Variants in RTN3 observed in about 807,000 individuals in gnomAD.
The protein encoded by RTN3 is reticulon-3.
A neutral mutation model predicts 77.8 loss-of-function variants in RTN3; 49 were observed. The ratio of observed to expected loss-of-function variants is 0.63; its 90% CI spans 0.50 to 0.80. The LOEUF (loss-of-function observed/expected upper bound fraction) is 0.80. Among genes scored for constraint, RTN3 ranks in the 30% least tolerant of loss-of-function variants. RTN3 has a pLI of 0.00. For missense variants in RTN3, 1,236 were observed against 1,211.9 expected (o/e 1.02, Z -0.29); for synonymous variants, 464 against 446.9 (o/e 1.04, Z -0.48).
At chr11:63,700,282 C>CTTTTGTTTTT (rs1555068902) in intron 1 of RTN3, among the ~76,000 whole-genome samples, 1 of 133,444 alleles carries the variant, frequency 7.5e-6, no homozygotes, top group Non-Finnish European at 1.5e-5. Flanking sequence ...GATTCTTTTA[C>CTTTTGTTTTT]TTTTTTTTTT....
chr11:63,745,101 A>G (rs950485907), intron 3 of RTN3, among the ~76,000 whole-genome samples: 3 of 152,216 alleles, frequency 2.0e-5, no homozygotes, highest in Admixed American at 6.5e-5. Context: ...ACTATTGGCA[A>G]CTGCCTCATT....
At chr11:63,752,177 A>G (rs977024238) in intron 4 of RTN3, among the ~76,000 whole-genome samples, 1 of 152,134 alleles carries the variant, frequency 6.6e-6, no homozygotes, top group African/African-American at 2.4e-5. Context: ...GCTAAAAAAA[A>G]AAAAAAAAGT....
intron 2 of RTN3, among the ~76,000 whole-genome samples, chr11:63,715,658 A>AAAAAAACACAC (rs143591453): frequency 1.3e-5 from 2 of 152,020 alleles, no homozygotes; most frequent in Non-Finnish European, 1.5e-5. Flanking sequence ...ACTCTGTCTA[A>AAAAAAACACAC]AAAAAACACA....
At chr11:63,752,902 C>T (rs1480480151) in intron 5 of RTN3, among the ~76,000 whole-genome samples, 167 bp from the exon 6 acceptor site, 1 of 152,186 alleles carries the variant, frequency 6.6e-6, no homozygotes, top group Non-Finnish European at 1.5e-5. Context: ...ACTTCACTCA[C>T]ATACCTTCAA....
intron 5 of RTN3, 145 bp downstream of exon 5, chr11:63,752,790 C>T: frequency 1.1e-6 from 1 of 888,552 alleles, no homozygotes; most frequent in South Asian, 1.6e-5. Context: ...ATAGGTGTCA[C>T]TAGAGAAAGG....
At chr11:63,702,349 C>G (rs541631164) in intron 1 of RTN3, among the ~76,000 whole-genome samples, 4 of 151,440 alleles carry the variant, frequency 2.6e-5, no homozygotes, top group Admixed American at 6.6e-5. Flanking sequence ...GAGTCTCGCC[C>G]TGTCGCCCAG....
intron 3 of RTN3, among the ~76,000 whole-genome samples, chr11:63,734,734 AACACACACACACACACACAC>A (rs754454322): frequency 1.4e-4 from 11 of 81,318 alleles, no homozygotes; most frequent in Non-Finnish European, 1.7e-4. Context: ...TCTGTCTCAA[AACACACACACACACACACAC>A]ACACACACAC....
At chr11:63,704,437 A>C (rs1942396468) in intron 1 of RTN3, among the ~76,000 whole-genome samples, 2 of 152,218 alleles carry the variant, frequency 1.3e-5, no homozygotes, top group Admixed American at 6.5e-5. Context: ...TGCTTATATT[A>C]GTGACTTACC....
chr11:63,745,990 T>C (rs1415788599), intron 3 of RTN3, among the ~76,000 whole-genome samples: 1 of 152,186 alleles, frequency 6.6e-6, no homozygotes, highest in Non-Finnish European at 1.5e-5. Flanking sequence ...TTTGTATTTT[T>C]AGTAGAGACA....
Position 63,720,287 on chromosome 11 carries a change from G to A in RTN3, c.1785G>A (p.Val595=). The change falls in exon 3 of 9, where the codon GTG becomes GTA. Residue 595 remains valine (V), a synonymous_variant. Coordinates refer to ENST00000377819, the MANE Select transcript of RTN3 (RefSeq NM_001265589.2). ...ATACGAATGTCTCCTTAGAAGATGT[G>A]AGTGAAGTTGCTCCTGAAAAGCCTA... ...VPDTNVSLED[V]SEVAPEKPIT... is the part of the protein sequence containing the mutation. 1.2e-6 allele frequency: 2 copies of A among 1,613,386 alleles called. No individual in the cohort carries two copies. Among genetic ancestry groups the A allele is most frequent in the Non-Finnish European group, 1.7e-6 (2 of 1,179,654 alleles).
chr11:63,716,454 C>T (rs551143103), intron 2 of RTN3, among the ~76,000 whole-genome samples: 1 of 152,342 alleles, frequency 6.6e-6, no homozygotes, highest in African/African-American at 2.4e-5. Flanking sequence ...GCTGACCAAG[C>T]TGAATCTTTG....
intron 1 of RTN3, among the ~76,000 whole-genome samples, chr11:63,690,884 T>C (rs1206928777): frequency 6.6e-6 from 1 of 152,172 alleles, no homozygotes; most frequent in Non-Finnish European, 1.5e-5. Flanking sequence ...TGGCTTTTCA[T>C]CCTCTGTCTC....
intron 3 of RTN3, among the ~76,000 whole-genome samples, chr11:63,726,266 T>C (rs1326118910): frequency 1.3e-5 from 2 of 152,192 alleles, no homozygotes; most frequent in Non-Finnish European, 2.9e-5. Context: ...AGTTGACACA[T>C]GTAAGAAGAG....
intron 1 of RTN3, among the ~76,000 whole-genome samples, chr11:63,689,993 A>G (rs1047440439): frequency 1.8e-4 from 27 of 151,950 alleles, no homozygotes; most frequent in African/African-American, 6.5e-4. Context: ...CCTGACCTCA[A>G]GTGAACTGCC....
chr11:63,698,350 T>TCCTTC (rs1942070016), intron 1 of RTN3, among the ~76,000 whole-genome samples: 2 of 152,270 alleles, frequency 1.3e-5, no homozygotes, highest in East Asian at 3.9e-4. Context: ...GGTCTCAAAC[T>TCCTTC]GCTGAGGTCA....
chr11:63,703,011 G>A (rs1040532148), intron 1 of RTN3, among the ~76,000 whole-genome samples: 15 of 152,040 alleles, frequency 9.9e-5, no homozygotes, highest in African/African-American at 3.4e-4. Context: ...AGTTTAATTC[G>A]TAGATGGACT....
intron 3 of RTN3, among the ~76,000 whole-genome samples, chr11:63,724,967 T>G (rs937848986): frequency 1.1e-4 from 17 of 151,764 alleles, no homozygotes; most frequent in East Asian, 3.8e-4. Flanking sequence ...AAGTTTTGTT[T>G]TTTTTTTTTT....
At chr11:63,715,369 T>C (rs1234722802) in intron 2 of RTN3, among the ~76,000 whole-genome samples, 3 of 152,144 alleles carry the variant, frequency 2.0e-5, no homozygotes, top group Non-Finnish European at 4.4e-5. Context: ...ATAAAACATA[T>C]AAGCTGGCTG....
At chr11:63,735,132 A>C (rs2013000976) in intron 3 of RTN3, among the ~76,000 whole-genome samples, 1 of 152,072 alleles carries the variant, frequency 6.6e-6, no homozygotes, top group East Asian at 1.9e-4. Flanking sequence ...TGAGACTGCA[A>C]GTGTGCACCA....
Sources: gnomAD v4.1 joint callset for allele counts (sites outside exome capture counted in the v4.1 genomes callset) on GRCh38, gnomAD v4.1.1 for gene constraint, MANE v1.5 for transcripts, NCBI Gene and HGNC (gene_info 2026-07-23, HGNC 2026-07-21) for gene names.